Variants in MED13L observed in about 807,000 individuals in gnomAD.
MED13L encodes mediator complex subunit 13L.
MED13L carries 7 observed loss-of-function variants against 220.9 expected under a neutral mutation model. The ratio of observed to expected loss-of-function variants is 0.03; its 90% confidence interval spans 0.02 to 0.06. The LOEUF (loss-of-function observed/expected upper bound fraction) is 0.06, where lower values mean the gene tolerates loss of function less well. Ranked by LOEUF, MED13L falls within the 10% of genes least tolerant of loss-of-function variation. The pLI, the probability that MED13L is intolerant of heterozygous loss-of-function variation, is 1.00. For synonymous variants in MED13L, 1,011 were observed against 1,015.2 expected (o/e 1.00, Z 0.08); for missense variants, 1,965 against 2,760.5 (o/e 0.71, Z 6.46).
At chr12:116,165,259 CTTTTTTTT>C (rs34196219) in intron 2 of MED13L, among the ~76,000 whole-genome samples, 108 of 74,496 alleles carry the variant, frequency 1.4e-3, no homozygotes, top group Middle Eastern at 0.01. Flanking sequence ...AGGCACCATC[CTTTTTTTT>C]TTTTTTTTTT....
chr12:116,022,813 T>G (rs1417483737), intron 4 of MED13L, among the ~76,000 whole-genome samples: 1 of 152,198 alleles, frequency 6.6e-6, no homozygotes, highest in Non-Finnish European at 1.5e-5. Flanking sequence ...TGAGAACTTT[T>G]GTAAGTTACT....
chr12:116,276,406 G>A (rs957064059), intron 1 of MED13L: 1 of 1,285,668 alleles, frequency 7.8e-7, no homozygotes. Flanking sequence ...CAGGAGGAGA[G>A]AAAGAAGAAA....
chr12:116,002,957 T>C, intron 14 of MED13L, 46 bp downstream of exon 14: 3 of 1,407,586 alleles, frequency 2.1e-6, no homozygotes, highest in Non-Finnish European at 1.0e-6. Context: ...TATATCTAAG[T>C]TACAGGCAGT....
chr12:116,024,772 G>GC (rs59973784), intron 4 of MED13L, among the ~76,000 whole-genome samples: 1 of 67,546 alleles, frequency 1.5e-5, no homozygotes, highest in African/African-American at 4.7e-5. Flanking sequence ...TTTTGGCGGG[G>GC]CGGGGGGGGG....
At position 115,981,592 on chromosome 12, in the gene MED13L, A is replaced by C. The variant is rs562763975; in HGVS notation, c.5176-654T>G. 9.7e-4 allele frequency among the ~76,000 whole-genome samples: 148 copies of C among 152,334 alleles called. 1 individual carries two copies. The highest frequency in any genetic ancestry group is 3.5e-3 in the African/African-American group (145 of 41,576). Reference sequence around the variant, plus strand: ...AACCTCTTTTGGAATGGAATTTGGCAATATTTGTCAGCATCTAAGAATCCA... The same window carrying C: ...AACCTCTTTTGGAATGGAATTTGGCCATATTTGTCAGCATCTAAGAATCCA... On this transcript the variant is annotated intron_variant, in intron 22 of 30. Transcript: ENST00000281928.
chr12:116,155,644 A>G lies in MED13L; in HGVS notation c.311-44132T>C, dbSNP rs369746924. Among the ~76,000 whole-genome samples the G allele has an allele frequency of 1.8e-4, 27 of 152,206 alleles. No homozygotes were observed. The East Asian group carries it at 5.0e-3, about 28-fold the overall frequency. On this transcript the variant is annotated intron_variant, in intron 2 of 30. Coordinates refer to ENST00000281928, the MANE Select transcript of MED13L (RefSeq NM_015335.5). ...AGCGCTGTGGGCAGTGCTAGAGTTC[A>G]TTTCACCGCTGAAGTTACATTTTGC...
At chr12:116,060,277 T>C (rs888447452) in intron 4 of MED13L, among the ~76,000 whole-genome samples, 2 of 152,100 alleles carry the variant, frequency 1.3e-5, no homozygotes, top group African/African-American at 4.8e-5. Context: ...AAGTTAATTT[T>C]GAAAAATTCA....
chr12:116,168,152 G>A (rs1879416704), intron 2 of MED13L, among the ~76,000 whole-genome samples: 1 of 151,738 alleles, frequency 6.6e-6, no homozygotes, highest in East Asian at 1.9e-4. Context: ...ATGAAACAAA[G>A]AGTCACATGA....
At chr12:115,971,935 T>C in intron 26 of MED13L, 143 bp downstream of exon 26, 3 of 997,284 alleles carry the variant, frequency 3.0e-6, no homozygotes, top group Non-Finnish European at 4.5e-6. Flanking sequence ...AGGTATCGAA[T>C]GTTTTCCATC....
chr12:116,164,685 C>T (rs971565271), intron 2 of MED13L, among the ~76,000 whole-genome samples: 6 of 152,114 alleles, frequency 3.9e-5, no homozygotes, highest in South Asian at 2.1e-4. Context: ...ATTACACACA[C>T]GACATCACAG....
At position 116,096,680 on chromosome 12, in the gene MED13L, T is replaced by G; in HGVS notation, c.468A>C (p.Pro156=). 1.2e-6 allele frequency: 2 copies of G among 1,614,038 alleles called. No homozygotes were observed. Among genetic ancestry groups the G allele is most frequent in the South Asian group, 2.2e-5 (2 of 91,080 alleles). The change falls in exon 4 of 31, where the codon CCA becomes CCC. Residue 156 remains proline, a synonymous_variant. Transcript: ENST00000281928. ...FVRPYEKDEK[P]VNKSEHLSCA... is the part of the protein sequence containing the mutation. ...TTCTAAAGGCTCACCTTTTGTTGAC[T>G]GGCTTTTCATCCTTTTCGTAGGGTC...
Position 115,983,172 on chromosome 12 carries a change from C to T in MED13L, c.4900G>A (p.Gly1634Arg), listed in dbSNP as rs1877450589. The change falls in exon 21 of 31, where the codon GGA (glycine) becomes AGA (arginine). Residue 1634 changes from glycine (G) to arginine (R), a missense_variant. Gly to Arg is a moderately radical substitution (Grantham distance 125). This residue lies in a region of MED13L where 510 missense variants were observed against 620.4 expected (regional missense o/e 0.82). Coordinates refer to ENST00000281928, the MANE Select transcript of MED13L (RefSeq NM_015335.5). ...GAGCTCTGCCCAGGGTCAGTGTCTC[C>T]ACCACAGCCTATGTTCCCTTGCGTT... is the stretch of plus-strand genomic sequence containing the variant. ...DRTQGNIGCG[G>R]DTDPGQSSSQ... The T allele has an allele frequency of 1.9e-6, 3 of 1,614,010 alleles. No individual in the cohort carries two copies. The highest frequency in any genetic ancestry group is 1.7e-6 in the Non-Finnish European group (2 of 1,180,006).
intron 29 of MED13L, among the ~76,000 whole-genome samples, chr12:115,965,272 G>C (rs1876067947): frequency 6.6e-6 from 1 of 152,182 alleles, no homozygotes; most frequent in South Asian, 2.1e-4. Flanking sequence ...TTCACTGTCT[G>C]GATGCACCAC....
intron 2 of MED13L, among the ~76,000 whole-genome samples, chr12:116,120,613 T>C (rs546162963): frequency 3.3e-5 from 5 of 151,346 alleles, no homozygotes; most frequent in East Asian, 1.9e-4. Flanking sequence ...CCTTTCAAGG[T>C]AGACTGAGAA....
At chr12:116,218,140 C>G (rs1292911606) in intron 2 of MED13L, among the ~76,000 whole-genome samples, 1 of 152,140 alleles carries the variant, frequency 6.6e-6, no homozygotes, top group East Asian at 1.9e-4. Flanking sequence ...TTTGTCAAGT[C>G]ATTTTCCAAA....
intron 1 of MED13L, among the ~76,000 whole-genome samples, chr12:116,246,258 C>T (rs1345713634): frequency 2.0e-5 from 3 of 146,920 alleles, no homozygotes; most frequent in African/African-American, 7.5e-5. Flanking sequence ...TGTGTACTTA[C>T]CAAAAGGAGG....
intron 1 of MED13L, among the ~76,000 whole-genome samples, chr12:116,259,976 A>C (rs1290080300): frequency 6.6e-6 from 1 of 152,228 alleles, no homozygotes; most frequent in East Asian, 1.9e-4. Flanking sequence ...CACTGTGATT[A>C]CATCTATGTA....
At chr12:116,087,351 CTAA>C (rs1871783683) in intron 4 of MED13L, among the ~76,000 whole-genome samples, 1 of 151,944 alleles carries the variant, frequency 6.6e-6, no homozygotes, top group African/African-American at 2.4e-5. Context: ...TTTCCTTAAA[CTAA>C]TGAGGAAAAA....
chr12:115,975,922 A>G (rs1876907453), intron 23 of MED13L, among the ~76,000 whole-genome samples, 184 bp from the exon 24 acceptor site: 1 of 152,160 alleles, frequency 6.6e-6, no homozygotes, highest in Non-Finnish European at 1.5e-5. Flanking sequence ...GATTGTTTAA[A>G]TCATGTAAGC....
Sources: allele counts gnomAD v4.1 joint callset (sites outside exome capture counted in the v4.1 genomes callset), GRCh38; gene constraint gnomAD v4.1.1; regional missense constraint gnomAD v4.1.1; transcripts MANE v1.5; gene names NCBI Gene and HGNC (gene_info 2026-07-23, HGNC 2026-07-21).